The following HERC4 variants were observed in gnomAD, a reference collection of about 807,000 sequenced individuals.
The protein encoded by HERC4 is probable E3 ubiquitin-protein ligase HERC4.
Under a neutral mutation model 124.3 loss-of-function variants are expected in HERC4, and 28 were observed. That is an observed-to-expected ratio of 0.23 (90% CI 0.17 to 0.31). HERC4 has a LOEUF of 0.31. Ranked by LOEUF, HERC4 falls within the 10% of genes least tolerant of loss-of-function variation. HERC4 has a pLI of 1.00. For synonymous variants in HERC4, 407 were observed against 421.5 expected (o/e 0.97, Z 0.42); for missense variants, 713 against 1,229.3 (o/e 0.58, Z 6.28).
chr10:68,063,613 A>C (rs1364735398), intron 3 of HERC4, among the ~76,000 whole-genome samples: 1 of 152,228 alleles, frequency 6.6e-6, no homozygotes, highest in African/African-American at 2.4e-5. Context: ...CTCACTCCTT[A>C]AAATTAAAGA....
intron 21 of HERC4, among the ~76,000 whole-genome samples, chr10:67,938,949 A>G (rs2032634839): frequency 6.6e-6 from 1 of 152,156 alleles, no homozygotes; most frequent in African/African-American, 2.4e-5. Context: ...GTCTCAAAAA[A>G]ACAAAACAAA....
rs1009534019 is a variant in HERC4, at chr10:68,032,992, G to A, written c.686-123C>T. ...GACTAAATAATTTTAACTATGATTC[G>A]ATGATTTTGTAGTACAAGCTTACTA... On this transcript the variant is annotated intron_variant, in intron 6 of 24. Coordinates refer to ENST00000373700, the MANE Select transcript of HERC4 (RefSeq NM_015601.4). The A allele has an allele frequency of 4.5e-5, 28 of 622,466 alleles. 1 individual carries two copies. Among genetic ancestry groups the A allele is most frequent in the South Asian group, 3.8e-4 (20 of 52,424 alleles). The allele number at this position is 622,466 out of a possible 1,614,324, so 38.6% of individuals were successfully genotyped here. A position where few individuals can be genotyped will look rare whatever the true frequency, so the allele number is the denominator to read the frequency against.
At chr10:67,936,407 T>G (rs924026609) in intron 21 of HERC4, among the ~76,000 whole-genome samples, 172 bp from the exon 22 acceptor site, 11 of 152,208 alleles carry the variant, frequency 7.2e-5, no homozygotes, top group Non-Finnish European at 1.6e-4. Flanking sequence ...AACTAGAAAT[T>G]TGGTACTCTC....
chr10:67,927,980 A>G (rs561505124), intron 23 of HERC4, among the ~76,000 whole-genome samples: 1 of 152,250 alleles, frequency 6.6e-6, no homozygotes, highest in South Asian at 2.1e-4. Context: ...TGTGCAGGAG[A>G]GAGGTTTGCA....
chr10:67,979,956 A>G (rs970614311), intron 15 of HERC4, among the ~76,000 whole-genome samples: 6 of 151,994 alleles, frequency 3.9e-5, no homozygotes, highest in African/African-American at 1.4e-4. Flanking sequence ...AGAAAAAAAA[A>G]CCTGTCTGAG....
At chr10:67,992,527 A>G (rs2036608230) in intron 10 of HERC4, 79 bp downstream of exon 10, 3 of 1,068,160 alleles carry the variant, frequency 2.8e-6, no homozygotes, top group African/African-American at 3.2e-5. Context: ...TGTAACATAT[A>G]AAGAACATTA....
At chr10:67,987,283 T>TGCCCC (rs1182090358) in intron 15 of HERC4, among the ~76,000 whole-genome samples, 2 of 152,138 alleles carry the variant, frequency 1.3e-5, no homozygotes, top group African/African-American at 4.8e-5. Flanking sequence ...CCCGCTTCTC[T>TGCCCC]GCCCCTTCCA....
At chr10:67,984,305 A>C in intron 15 of HERC4, among the ~76,000 whole-genome samples, 1 of 151,572 alleles carries the variant, frequency 6.6e-6, no homozygotes, top group East Asian at 1.9e-4. Flanking sequence ...CCATCTCAAA[A>C]AAAAAAAAAA....
intron 4 of HERC4, among the ~76,000 whole-genome samples, chr10:68,043,799 G>A (rs2039890118): frequency 1.3e-5 from 2 of 152,182 alleles, no homozygotes; most frequent in Non-Finnish European, 2.9e-5. Flanking sequence ...CCAGGCAACA[G>A]TGCGAGACTC....
intron 15 of HERC4, among the ~76,000 whole-genome samples, chr10:67,982,293 T>C (rs1211537055): frequency 6.6e-6 from 1 of 152,014 alleles, no homozygotes; most frequent in Non-Finnish European, 1.5e-5. Context: ...CAGAACAAAT[T>C]TGTTTCTAGA....
chr10:67,981,570 G>A (rs1339208407), intron 15 of HERC4, among the ~76,000 whole-genome samples: 1 of 152,156 alleles, frequency 6.6e-6, no homozygotes, highest in Non-Finnish European at 1.5e-5. Flanking sequence ...TCATCCAATG[G>A]CTGCAGAATA....
chr10:67,929,819 A>ATTTTTTTTTTTTTTTT (rs561065364), intron 23 of HERC4, among the ~76,000 whole-genome samples: 1 of 143,278 alleles, frequency 7.0e-6, no homozygotes, highest in African/African-American at 2.7e-5. Context: ...CCAGCTGTGC[A>ATTTTTTTTTTTTTTTT]TTTTTTTTTT....
At chr10:67,929,054 T>C (rs186649380) in intron 23 of HERC4, among the ~76,000 whole-genome samples, 2 of 152,378 alleles carry the variant, frequency 1.3e-5, no homozygotes, top group Non-Finnish European at 2.9e-5. Flanking sequence ...CTCTTGTTCA[T>C]TGCATTTTTA....
intron 3 of HERC4, among the ~76,000 whole-genome samples, chr10:68,058,001 A>G (rs1209646260): frequency 6.6e-6 from 1 of 152,126 alleles, no homozygotes; most frequent in African/African-American, 2.4e-5. Context: ...ATGCCTGGCC[A>G]CCTTATAATT....
At chr10:67,935,180 C>T (rs957320796) in intron 22 of HERC4, among the ~76,000 whole-genome samples, 11 of 149,358 alleles carry the variant, frequency 7.4e-5, no homozygotes, top group African/African-American at 2.2e-4. Flanking sequence ...GAGTCTCGCT[C>T]TGTCGCCCAG....
chr10:67,982,837 C>G (rs1409086859), intron 15 of HERC4, among the ~76,000 whole-genome samples: 1 of 151,824 alleles, frequency 6.6e-6, no homozygotes, highest in Middle Eastern at 3.2e-3. Flanking sequence ...ATAAAAATAC[C>G]AAACAGGCGG....
At position 68,034,149 on chromosome 10, in the gene HERC4, G is replaced by T. The variant is rs2039343617; in HGVS notation, c.501C>A (p.Gly167=). 6.2e-7 allele frequency: 1 copy of T among 1,613,818 alleles called. No individual in the cohort carries two copies. The highest frequency in any genetic ancestry group is 1.3e-5 in the African/African-American group (1 of 74,840). ...TACAGTCAGTACCTAAACCCAATTG[G>T]CCATATTTATTCTGTCCCCAACAGA... ...EVFCWGQNKY[G]QLGLGTDCKK... is the part of the protein sequence containing the mutation. Residue 167 remains glycine, a synonymous_variant, in exon 6 of 25, where the codon GGC becomes GGA. Transcript: ENST00000373700.
At chr10:68,048,212 A>G (rs1348448608) in intron 3 of HERC4, among the ~76,000 whole-genome samples, 1 of 152,030 alleles carries the variant, frequency 6.6e-6, no homozygotes, top group African/African-American at 2.4e-5. Context: ...GAGCCACCAC[A>G]CCCAGCCCAC....
At chr10:68,002,964 T>C (rs1308447104) in intron 9 of HERC4, among the ~76,000 whole-genome samples, 1 of 152,144 alleles carries the variant, frequency 6.6e-6, no homozygotes, top group Non-Finnish European at 1.5e-5. Flanking sequence ...GACATTGTGA[T>C]ACAGGCATAC....
Sources: allele counts gnomAD v4.1 joint callset (sites outside exome capture counted in the v4.1 genomes callset), GRCh38; gene constraint gnomAD v4.1.1; transcripts MANE v1.5; gene names NCBI Gene and HGNC (gene_info 2026-07-23, HGNC 2026-07-21).